PALLD: variants seen among roughly 807,000 people sequenced by gnomAD.
The protein encoded by PALLD is palladin, cytoskeletal associated protein.
PALLD carries 61 observed loss-of-function variants against 123.5 expected under a neutral mutation model. The observed-to-expected ratio is 0.49, with a 90% CI of 0.40 to 0.61. The LOEUF (loss-of-function observed/expected upper bound fraction) is 0.61, where lower values mean the gene tolerates loss of function less well. Among genes scored for constraint, PALLD ranks in the 20% least tolerant of loss-of-function variants. The pLI is 0.00. For synonymous variants in PALLD, 465 were observed against 496.4 expected (o/e 0.94, Z 0.84); for missense variants, 1,273 against 1,377.0 (o/e 0.92, Z 1.20).
intron 10 of PALLD, among the ~76,000 whole-genome samples, chr4:168,878,707 T>G (rs1287864881): frequency 6.7e-6 from 1 of 149,374 alleles, no homozygotes; most frequent in East Asian, 2.1e-4. Context: ...TTAGCTATCA[T>G]TTATTGAGCA....
At chr4:168,666,925 A>C (rs1351910797) in intron 2 of PALLD, among the ~76,000 whole-genome samples, 1 of 152,210 alleles carries the variant, frequency 6.6e-6, no homozygotes, top group African/African-American at 2.4e-5. Context: ...AAAACCATAC[A>C]GTGCCCCAGA....
chr4:168,725,639 G>A (rs1786497562), intron 10 of PALLD, among the ~76,000 whole-genome samples: 1 of 141,964 alleles, frequency 7.0e-6, no homozygotes, highest in African/African-American at 2.6e-5. Context: ...CCATTCTCCT[G>A]CCTCAGCCTC....
At chr4:168,550,672 C>T (rs1580266333) in intron 2 of PALLD, among the ~76,000 whole-genome samples, 1 of 152,140 alleles carries the variant, frequency 6.6e-6, no homozygotes, top group African/African-American at 2.4e-5. Context: ...GGGAACTTTG[C>T]TAATCAAGCT....
At chr4:168,749,712 G>T (rs1289874090) in intron 10 of PALLD, among the ~76,000 whole-genome samples, 1 of 152,024 alleles carries the variant, frequency 6.6e-6, no homozygotes. Context: ...CTCAATAACA[G>T]TAATAATGAT....
chr4:168,878,544 T>G (rs1249087930), intron 10 of PALLD: 1 of 569,404 alleles, frequency 1.8e-6, no homozygotes, highest in Non-Finnish European at 2.8e-6. Context: ...GATGTAAAAA[T>G]TCTTAACGGC....
chr4:168,898,369 C>CT, intron 13 of PALLD, 124 bp from the exon 14 acceptor site: 1 of 721,280 alleles, frequency 1.4e-6, no homozygotes, highest in South Asian at 1.5e-5. Context: ...TGGGCTCAGA[C>CT]TGTGTTTTTA....
intron 2 of PALLD, among the ~76,000 whole-genome samples, chr4:168,638,318 G>A (rs1208343435): frequency 6.6e-6 from 1 of 152,176 alleles, no homozygotes; most frequent in Non-Finnish European, 1.5e-5. Context: ...GCTGTCTCAA[G>A]GCAAAGCTGT....
intron 10 of PALLD, among the ~76,000 whole-genome samples, chr4:168,751,795 A>G (rs189130435): frequency 9.7e-4 from 148 of 152,322 alleles, no homozygotes; most frequent in Middle Eastern, 3.4e-3. Flanking sequence ...AATAGTCTCC[A>G]TCTTTGGTTG....
At chr4:168,509,214 C>T (rs10440507) in intron 1 of PALLD, among the ~76,000 whole-genome samples, 43,840 of 152,004 alleles carry the variant, frequency 0.29, 6,445 homozygotes, top group Non-Finnish European at 0.33. Context: ...TAGTTTTCCA[C>T]TCTTATGATT....
At chr4:168,871,677 T>C (rs1231834562) in intron 10 of PALLD, among the ~76,000 whole-genome samples, 1 of 152,202 alleles carries the variant, frequency 6.6e-6, no homozygotes, top group Non-Finnish European at 1.5e-5. Flanking sequence ...ATGAAAATCA[T>C]TTTGGGCATT....
chr4:168,650,206 A>G (rs1327989144), intron 2 of PALLD, among the ~76,000 whole-genome samples: 2 of 152,214 alleles, frequency 1.3e-5, no homozygotes, highest in Non-Finnish European at 2.9e-5. Flanking sequence ...AGAAAAAGAA[A>G]AGAGAAAGAT....
chr4:168,926,184 A>T, intron 21 of PALLD, 29 bp from the exon 22 acceptor site: 1 of 1,486,092 alleles, frequency 6.7e-7, no homozygotes, highest in Non-Finnish European at 8.9e-7. Flanking sequence ...TCTTGATTAA[A>T]AATCTTAATT....
intron 2 of PALLD, among the ~76,000 whole-genome samples, chr4:168,589,562 A>T (rs191496089): frequency 1.5e-5 from 2 of 133,546 alleles, no homozygotes; most frequent in African/African-American, 5.1e-5. Context: ...AAAACTATAG[A>T]TCTACTGCTG....
At chr4:168,921,406 C>CAA (rs5863967) in intron 17 of PALLD, 128 bp from the exon 18 acceptor site, 17,244 of 355,892 alleles carry the variant, frequency 0.048, 107 homozygotes, top group East Asian at 0.089. Context: ...AAACTCTGTC[C>CAA]AAAAAAAAAA....
chr4:168,582,635 A>G (rs1448831803), intron 2 of PALLD, among the ~76,000 whole-genome samples: 2 of 152,090 alleles, frequency 1.3e-5, no homozygotes, highest in Non-Finnish European at 2.9e-5. Flanking sequence ...ATTCTTATGA[A>G]AGGAGTTAAT....
intron 10 of PALLD, among the ~76,000 whole-genome samples, chr4:168,758,306 T>G (rs766021551): frequency 1.3e-5 from 2 of 152,182 alleles, no homozygotes; most frequent in Non-Finnish European, 2.9e-5. Context: ...TTGATCCAAC[T>G]CAAATTTCCA....
chr4:168,914,215 C>T (rs989484536), intron 16 of PALLD, 194 bp downstream of exon 16: 3 of 599,288 alleles, frequency 5.0e-6, no homozygotes, highest in Non-Finnish European at 8.9e-6. Flanking sequence ...AACAAACATT[C>T]GCTAATGTGT....
At chr4:168,679,105 T>TGG (rs148509302) in intron 3 of PALLD, among the ~76,000 whole-genome samples, 4,198 of 89,316 alleles carry the variant, frequency 0.047, 215 homozygotes, top group African/African-American at 0.099. Context: ...GTGTTTATGG[T>TGG]GGGTGTGTGT....
chr4:168,862,574 A>C (rs368611185), intron 10 of PALLD, among the ~76,000 whole-genome samples: 34 of 152,294 alleles, frequency 2.2e-4, no homozygotes, highest in African/African-American at 7.0e-4. Flanking sequence ...GCTCTCTCAT[A>C]TGGTCCCTTG....
Sources: gnomAD v4.1 joint callset for allele counts (sites outside exome capture counted in the v4.1 genomes callset) on GRCh38, gnomAD v4.1.1 for gene constraint, MANE v1.5 for transcripts, NCBI Gene and HGNC (gene_info 2026-07-23, HGNC 2026-07-21) for gene names.